The following PTPRO variants were observed in gnomAD, a reference collection of about 807,000 sequenced individuals.
The protein encoded by PTPRO is receptor-type tyrosine-protein phosphatase O.
A neutral mutation model predicts 145.2 loss-of-function variants in PTPRO; 62 were observed. The observed-to-expected ratio is 0.43, with a 90% CI of 0.35 to 0.53. The LOEUF is 0.53. Among genes scored for constraint, PTPRO ranks in the 20% least tolerant of loss-of-function variants. PTPRO has a pLI of 0.01. For missense variants in PTPRO, 1,345 were observed against 1,482.7 expected (o/e 0.91, Z 1.53); for synonymous variants, 565 against 514.7 (o/e 1.10, Z -1.32).
rs117860006 is a variant in PTPRO, at chr12:15,457,081, G to A, written c.76-26893G>A. Among the ~76,000 whole-genome samples, 682 of 152,018 alleles carry A rather than the reference G, an allele frequency of 4.5e-3. 6 individuals carry two copies. Among genetic ancestry groups the A allele is most frequent in the Middle Eastern group, 6.8e-3 (2 of 294 alleles). On this transcript the variant is annotated intron_variant, in intron 1 of 26. Transcript: ENST00000281171. ...ACTTAAGATGACCTTTTTCCTATGC[G>A]GATGCTTCCTTCCATTTCTCCTGCC...
At chr12:15,372,060 T>C (rs540506774) in intron 1 of PTPRO, among the ~76,000 whole-genome samples, 23 of 152,322 alleles carry the variant, frequency 1.5e-4, no homozygotes, top group African/African-American at 5.5e-4. Flanking sequence ...ATTTTGCAAA[T>C]TGAAATTGTC....
chr12:15,578,509 G>A (rs1343378962), intron 19 of PTPRO, among the ~76,000 whole-genome samples: 1 of 152,166 alleles, frequency 6.6e-6, no homozygotes. Flanking sequence ...AACAGCTGGG[G>A]CAGTTCTGCT....
intron 1 of PTPRO, among the ~76,000 whole-genome samples, chr12:15,428,455 A>G (rs919591143): frequency 9.9e-5 from 15 of 152,152 alleles, no homozygotes; most frequent in Non-Finnish European, 1.9e-4. Context: ...AATTGAAAGT[A>G]TAGAGCTTTA....
chr12:15,394,341 A>C (rs984561), intron 1 of PTPRO, among the ~76,000 whole-genome samples: 30,914 of 151,976 alleles, frequency 0.2, 3,343 homozygotes, highest in Non-Finnish European at 0.24. Flanking sequence ...GTGTAAGAGT[A>C]ATCTGCTTTA....
At chr12:15,499,684 T>C in intron 4 of PTPRO, 90 bp downstream of exon 4, 2 of 1,427,992 alleles carry the variant, frequency 1.4e-6, no homozygotes, top group Non-Finnish European at 2.0e-6. Flanking sequence ...AATATTCTGA[T>C]CCAGAGCAAA....
intron 1 of PTPRO, among the ~76,000 whole-genome samples, chr12:15,420,165 A>C (rs1345903925): frequency 2.0e-5 from 3 of 146,864 alleles, no homozygotes; most frequent in East Asian, 4.1e-4. Context: ...AAAAAAAAAA[A>C]AAAAAAGAGT....
intron 17 of PTPRO, among the ~76,000 whole-genome samples, chr12:15,562,857 T>C (rs936999024): frequency 1.3e-5 from 2 of 151,904 alleles, no homozygotes; most frequent in African/African-American, 4.8e-5. Context: ...TAGTTGAAAA[T>C]GCTCAGCTTT....
intron 1 of PTPRO, among the ~76,000 whole-genome samples, chr12:15,481,537 C>T (rs1941779110): frequency 6.6e-6 from 1 of 152,166 alleles, no homozygotes; most frequent in Non-Finnish European, 1.5e-5. Flanking sequence ...TCTCATATTA[C>T]AGAAATCTGC....
At chr12:15,336,599 C>T (rs752097643) in intron 1 of PTPRO, among the ~76,000 whole-genome samples, 6 of 152,026 alleles carry the variant, frequency 3.9e-5, no homozygotes, top group Non-Finnish European at 7.4e-5. Flanking sequence ...GCATAAGGAA[C>T]TTAAGAATAA....
intron 2 of PTPRO, among the ~76,000 whole-genome samples, chr12:15,496,669 G>A (rs1378938932): frequency 2.6e-5 from 4 of 152,006 alleles, no homozygotes; most frequent in Non-Finnish European, 5.9e-5. Context: ...CAGAAAGAGT[G>A]GTTTGATAAA....
At chr12:15,565,963 G>A (rs897143062) in intron 18 of PTPRO, among the ~76,000 whole-genome samples, 1 of 152,106 alleles carries the variant, frequency 6.6e-6, no homozygotes, top group Non-Finnish European at 1.5e-5. Flanking sequence ...ACATCAAAGG[G>A]TTTCAAAAAT....
At chr12:15,513,184 A>T (rs71435115) in intron 7 of PTPRO, among the ~76,000 whole-genome samples, 35,678 of 112,626 alleles carry the variant, frequency 0.32, 7,943 homozygotes, top group Non-Finnish European at 0.38. Flanking sequence ...AAAGAAAGAA[A>T]GAAAGAAAGA....
chr12:15,450,131 C>T (rs971605290), intron 1 of PTPRO, among the ~76,000 whole-genome samples: 7 of 151,678 alleles, frequency 4.6e-5, no homozygotes, highest in Non-Finnish European at 8.8e-5. Flanking sequence ...GTTCTCTAAG[C>T]GATGCTGCAT....
intron 1 of PTPRO, among the ~76,000 whole-genome samples, chr12:15,406,775 A>G (rs967533265): frequency 6.6e-6 from 1 of 152,214 alleles, no homozygotes; most frequent in African/African-American, 2.4e-5. Context: ...AGGCTCAGAA[A>G]GGATCCTTAT....
intron 1 of PTPRO, among the ~76,000 whole-genome samples, chr12:15,475,406 G>A (rs543821589): frequency 5.8e-4 from 88 of 152,220 alleles, no homozygotes; most frequent in Admixed American, 1.4e-3. Context: ...CTATCTAGGT[G>A]AAAAGTGAAT....
intron 8 of PTPRO, among the ~76,000 whole-genome samples, chr12:15,515,870 AGCTGTGT>A (rs1381046558): frequency 6.6e-6 from 1 of 151,870 alleles, no homozygotes; most frequent in Non-Finnish European, 1.5e-5. Context: ...ACAAGAGTAA[AGCTGTGT>A]GCCGTGGCAC....
At position 15,386,500 on chromosome 12, in the gene PTPRO, G is replaced by GAT. The variant is rs565567572; in HGVS notation, c.75+63708_75+63709dup. ...TCTGATAACCTGAAGTATATTTATTGATATATATATTACCTTATATGTATG... is the reference window on the plus strand; with the variant it reads ...TCTGATAACCTGAAGTATATTTATTGATATATATATATTACCTTATATGTATG... On this transcript the variant is annotated intron_variant, in intron 1 of 26. Coordinates refer to ENST00000281171, the MANE Select transcript of PTPRO (RefSeq NM_030667.3). Among the ~76,000 whole-genome samples the GAT allele has an allele frequency of 5.0e-3, 759 of 151,918 alleles. 4 individuals are homozygous for GAT. Among genetic ancestry groups the GAT allele is most frequent in the Admixed American group, 7.9e-3 (120 of 15,248 alleles).
At chr12:15,586,698 A>G (rs1944436259) in intron 23 of PTPRO, among the ~76,000 whole-genome samples, 199 bp from the exon 24 acceptor site, 1 of 152,078 alleles carries the variant, frequency 6.6e-6, no homozygotes, top group Non-Finnish European at 1.5e-5. Context: ...CTACTATTTG[A>G]AGCTTTATAC....
chr12:15,395,622 G>A (rs1939315585), intron 1 of PTPRO, among the ~76,000 whole-genome samples: 1 of 151,888 alleles, frequency 6.6e-6, no homozygotes, highest in Non-Finnish European at 1.5e-5. Context: ...ATTGCTGGTG[G>A]CTTAATGTAG....
Sources: allele counts gnomAD v4.1 joint callset (sites outside exome capture counted in the v4.1 genomes callset), GRCh38; gene constraint gnomAD v4.1.1; transcripts MANE v1.5; gene names NCBI Gene and HGNC (gene_info 2026-07-23, HGNC 2026-07-21).